Variants in MTA3 observed in about 807,000 individuals in gnomAD.
MTA3 encodes metastasis associated 1 family member 3.
In MTA3, 34 loss-of-function variants were observed where a neutral mutation model predicts 83.5. That is an observed-to-expected ratio of 0.41 (90% CI 0.31 to 0.54). MTA3 has a LOEUF of 0.54. Among genes scored for constraint, MTA3 ranks in the 20% least tolerant of loss-of-function variants. MTA3 has a pLI of 0.33. For missense variants in MTA3, 761 were observed against 726.4 expected (o/e 1.05, Z -0.55); for synonymous variants, 303 against 252.7 (o/e 1.20, Z -1.89).
intron 4 of MTA3, among the ~76,000 whole-genome samples, chr2:42,625,418 T>C (rs1286636680): frequency 6.6e-6 from 1 of 151,698 alleles, no homozygotes; most frequent in African/African-American, 2.4e-5. Context: ...CTAGCACGTC[T>C]AGTGATATTT....
intron 3 of MTA3, among the ~76,000 whole-genome samples, chr2:42,603,879 T>C (rs1480382029): frequency 6.6e-6 from 1 of 152,094 alleles, no homozygotes; most frequent in Non-Finnish European, 1.5e-5. Flanking sequence ...GCCTCCCCAC[T>C]ACCTGGGACT....
At chr2:42,506,306 C>G (rs1287695226) in intron 2 of MTA3, among the ~76,000 whole-genome samples, 1 of 151,758 alleles carries the variant, frequency 6.6e-6, no homozygotes, top group Non-Finnish European at 1.5e-5. Flanking sequence ...TAGAAATTAT[C>G]TGCATGTGGT....
intron 14 of MTA3, among the ~76,000 whole-genome samples, chr2:42,715,764 A>T (rs572596682): frequency 1.3e-5 from 2 of 152,176 alleles, no homozygotes; most frequent in African/African-American, 4.8e-5. Flanking sequence ...ATAGCCATCA[A>T]TGTCTATCAA....
At chr2:42,517,798 G>T (rs146363523) in intron 2 of MTA3, among the ~76,000 whole-genome samples, 2,688 of 141,170 alleles carry the variant, frequency 0.019, 46 homozygotes, top group Middle Eastern at 0.051. Flanking sequence ...AGAATTGCTT[G>T]AACCCAGGAG....
intron 3 of MTA3, among the ~76,000 whole-genome samples, chr2:42,586,614 ACAT>A (rs1680359099): frequency 1.4e-5 from 2 of 142,536 alleles, no homozygotes; most frequent in Non-Finnish European, 3.0e-5. Context: ...ACACACACAC[ACAT>A]CGTTGGCTGG....
intron 4 of MTA3, among the ~76,000 whole-genome samples, chr2:42,616,420 TC>T (rs1684896449): frequency 1.4e-5 from 1 of 69,490 alleles, no homozygotes; most frequent in Non-Finnish European, 2.6e-5. Context: ...AGATCTCTTG[TC>T]TTTTTTTTTT....
Position 42,630,176 on chromosome 2 carries a change from A to T in MTA3, c.318-9997A>T, listed in dbSNP as rs1183927735. ...GCTCCCCATACACTTGATCTCTGATACTAGAATCAAGGCTTTCGTCAGTAT... is the reference window on the plus strand; with the variant it reads ...GCTCCCCATACACTTGATCTCTGATTCTAGAATCAAGGCTTTCGTCAGTAT... On this transcript the variant is annotated intron_variant, in intron 4 of 16. Transcript: ENST00000405094. 2.0e-5 allele frequency among the ~76,000 whole-genome samples: 3 copies of T among 152,224 alleles called. No homozygotes were observed. In the East Asian group the frequency reaches 5.8e-4, roughly 29 times the overall value.
chr2:42,740,929 A>C (rs1371193247), intron 16 of MTA3, among the ~76,000 whole-genome samples: 4 of 152,224 alleles, frequency 2.6e-5, no homozygotes, highest in Non-Finnish European at 5.9e-5. Flanking sequence ...TGAAGCTTTG[A>C]AGGCATTGGC....
chr2:42,537,730 G>C (rs1321395379), intron 2 of MTA3, among the ~76,000 whole-genome samples: 1 of 152,094 alleles, frequency 6.6e-6, no homozygotes, highest in African/African-American at 2.4e-5. Context: ...TCACCTATCA[G>C]GGACATTATT....
At chr2:42,717,719 C>T (rs1051884502) in intron 14 of MTA3, among the ~76,000 whole-genome samples, 2 of 152,152 alleles carry the variant, frequency 1.3e-5, no homozygotes, top group South Asian at 4.1e-4. Context: ...GTTAGAAAAC[C>T]AGTGATAAAA....
chr2:42,748,245 T>C (rs957280526), intron 16 of MTA3, among the ~76,000 whole-genome samples: 2 of 100,314 alleles, frequency 2.0e-5, no homozygotes, highest in Admixed American at 2.0e-4. Context: ...GTGTGTGTTT[T>C]AGTAGAGACG....
At chr2:42,728,683 T>TACATTACAAAAA (rs1169474989) in intron 16 of MTA3, among the ~76,000 whole-genome samples, 2 of 152,246 alleles carry the variant, frequency 1.3e-5, no homozygotes, top group African/African-American at 4.8e-5. Context: ...CATTGTAGTT[T>TACATTACAAAAA]TGATTTGCAT....
intron 4 of MTA3, among the ~76,000 whole-genome samples, chr2:42,634,316 C>G (rs1298679597): frequency 1.3e-5 from 2 of 152,158 alleles, no homozygotes; most frequent in African/African-American, 2.4e-5. Context: ...TATTCTCACA[C>G]TGCTATAGAA....
At chr2:42,728,662 A>G (rs1265046946) in intron 16 of MTA3, among the ~76,000 whole-genome samples, 2 of 152,234 alleles carry the variant, frequency 1.3e-5, no homozygotes, top group Non-Finnish European at 2.9e-5. Context: ...AACTGGGGCT[A>G]AATGATACCT....
intron 2 of MTA3, among the ~76,000 whole-genome samples, chr2:42,524,304 ATT>A (rs1343635418): frequency 2.8e-5 from 4 of 144,350 alleles, no homozygotes; most frequent in Admixed American, 1.4e-4. Context: ...CATTATTATT[ATT>A]TTTTTTTTTT....
At chr2:42,704,439 C>T in intron 12 of MTA3, 121 bp downstream of exon 12, 1 of 1,170,314 alleles carries the variant, frequency 8.5e-7, no homozygotes, top group South Asian at 1.6e-5. Flanking sequence ...CATGTCTCCT[C>T]TAAATGAGTA....
At chr2:42,526,391 T>TGG (rs1675710987) in intron 2 of MTA3, among the ~76,000 whole-genome samples, 1 of 152,162 alleles carries the variant, frequency 6.6e-6, no homozygotes, top group Non-Finnish European at 1.5e-5. Flanking sequence ...CCAAGATTCC[T>TGG]GGCTCTCCCT....
At chr2:42,512,049 A>G (rs1674929556) in intron 2 of MTA3, among the ~76,000 whole-genome samples, 1 of 151,380 alleles carries the variant, frequency 6.6e-6, no homozygotes, top group Admixed American at 6.6e-5. Flanking sequence ...AAATAAAATA[A>G]AAAATAATTA....
chr2:42,740,610 A>G (rs567745437), intron 16 of MTA3, among the ~76,000 whole-genome samples: 1 of 152,364 alleles, frequency 6.6e-6, no homozygotes, highest in Admixed American at 6.5e-5. Flanking sequence ...TGAAAACAGC[A>G]TTCATCTCCT....
Sources: allele counts gnomAD v4.1 joint callset (sites outside exome capture counted in the v4.1 genomes callset), GRCh38; gene constraint gnomAD v4.1.1; transcripts MANE v1.5; gene names NCBI Gene and HGNC (gene_info 2026-07-23, HGNC 2026-07-21).